The following TENM4 variants were observed in gnomAD, a reference collection of about 807,000 sequenced individuals.
TENM4 encodes teneurin-4.
A neutral mutation model predicts 243.3 loss-of-function variants in TENM4; 82 were observed. The observed-to-expected ratio is 0.34, with a 90% CI of 0.28 to 0.40. The LOEUF (loss-of-function observed/expected upper bound fraction) is 0.40, where lower values mean the gene tolerates loss of function less well. Ranked by LOEUF, TENM4 falls within the 10% of genes least tolerant of loss-of-function variation. TENM4 has a pLI of 1.00. For missense variants in TENM4, 3,138 were observed against 3,673.3 expected (o/e 0.85, Z 3.77); for synonymous variants, 1,412 against 1,456.3 (o/e 0.97, Z 0.69).
chr11:78,880,803 A>G (rs1010258627), intron 9 of TENM4, among the ~76,000 whole-genome samples: 26 of 152,210 alleles, frequency 1.7e-4, no homozygotes, highest in African/African-American at 6.0e-4. Context: ...TCTGATTTTA[A>G]AGCCAGTAAA....
intron 2 of TENM4, among the ~76,000 whole-genome samples, chr11:79,222,094 A>G (rs1590805806): frequency 6.6e-6 from 1 of 152,238 alleles, no homozygotes; most frequent in Non-Finnish European, 1.5e-5. Context: ...TGTGCTGTGA[A>G]AATCTGAACC....
chr11:79,105,848 G>A (rs1347234640), intron 4 of TENM4, among the ~76,000 whole-genome samples: 1 of 152,172 alleles, frequency 6.6e-6, no homozygotes, highest in East Asian at 1.9e-4. Context: ...TATGCCGGGT[G>A]AACTCTACTT....
intron 23 of TENM4, among the ~76,000 whole-genome samples, chr11:78,724,627 T>G (rs1855473741): frequency 6.6e-6 from 1 of 152,174 alleles, no homozygotes; most frequent in African/African-American, 2.4e-5. Flanking sequence ...GGCAGAAACT[T>G]CTCCTTCCTA....
At chr11:78,988,820 A>G (rs1278230383) in intron 6 of TENM4, among the ~76,000 whole-genome samples, 2 of 152,172 alleles carry the variant, frequency 1.3e-5, no homozygotes, top group Admixed American at 6.5e-5. Flanking sequence ...GACTACAGGC[A>G]TGTGCCACCA....
At position 78,702,403 on chromosome 11, in the gene TENM4, C is replaced by A; in HGVS notation, c.4210G>T (p.Val1404Phe). Residue 1404 changes from valine to phenylalanine, a missense_variant and splice_region_variant, in exon 28 of 34, where the codon GTT (valine) becomes TTT (phenylalanine). Around this residue, in one of 2 missense-constraint regions of TENM4, gnomAD observed 2,467 missense variants for 3,059.1 expected, o/e 0.81. Coordinates refer to ENST00000278550, the MANE Select transcript of TENM4 (RefSeq NM_001098816.3). ...AAGTCTGTGGGCCACTCCAGGTGAACCTGACAATGAAGACACCGATACTCA... is the reference window on the plus strand; with the variant it reads ...AAGTCTGTGGGCCACTCCAGGTGAAACTGACAATGAAGACACCGATACTCA... ...SCDSVMDISQ[V>F]HLEWPTDLAI... 6.2e-7 allele frequency: 1 copy of A among 1,608,308 alleles called. No homozygotes were observed. Among genetic ancestry groups the A allele is most frequent in the East Asian group, 2.2e-5 (1 of 44,844 alleles).
rs201432482 is a variant in TENM4, at chr11:79,317,079, A to G, written c.-320-19536T>C. On this transcript the variant is annotated intron_variant, in intron 1 of 33. Coordinates refer to ENST00000278550, the MANE Select transcript of TENM4 (RefSeq NM_001098816.3). ...AATTGGTGTCTAATGGAAGATGACAAAAAGAATGACTTTTAAAATAATTTT... is the reference window on the plus strand; with the variant it reads ...AATTGGTGTCTAATGGAAGATGACAGAAAGAATGACTTTTAAAATAATTTT... Among the ~76,000 whole-genome samples the G allele has an allele frequency of 3.9e-5, 6 of 152,230 alleles. No individual in the cohort carries two copies. In the East Asian group the frequency reaches 1.2e-3, roughly 29 times the overall value.
intron 1 of TENM4, among the ~76,000 whole-genome samples, chr11:79,414,218 C>G (rs1858765843): frequency 6.6e-6 from 1 of 152,132 alleles, no homozygotes; most frequent in East Asian, 1.9e-4. Flanking sequence ...ACTGGAAAAG[C>G]ACTTCCTTCA....
At chr11:78,721,141 T>A (rs754681470) in intron 24 of TENM4, among the ~76,000 whole-genome samples, 3 of 152,154 alleles carry the variant, frequency 2.0e-5, no homozygotes, top group Non-Finnish European at 2.9e-5. Context: ...TCGTCCATGG[T>A]GCTTTCTGTT....
At chr11:79,111,875 A>C (rs976677782) in intron 4 of TENM4, among the ~76,000 whole-genome samples, 6 of 152,168 alleles carry the variant, frequency 3.9e-5, no homozygotes, top group African/African-American at 1.2e-4. Flanking sequence ...ACGTGGGTGA[A>C]TCCTGGCTTG....
chr11:79,411,668 G>C (rs1001989631), intron 1 of TENM4, among the ~76,000 whole-genome samples: 2 of 152,104 alleles, frequency 1.3e-5, no homozygotes, highest in Non-Finnish European at 2.9e-5. Flanking sequence ...ACATCCAACA[G>C]ATTGCAAGCT....
At chr11:79,028,089 T>C (rs1223133293) in intron 6 of TENM4, among the ~76,000 whole-genome samples, 2 of 152,220 alleles carry the variant, frequency 1.3e-5, no homozygotes, top group East Asian at 1.9e-4. Flanking sequence ...TGTGTGACTA[T>C]GTGACCCTTG....
Position 78,653,429 on chromosome 11 carries a change from A to G in TENM4, c.*4629T>C, listed in dbSNP as rs1857817660. 2 of 152,198 alleles carry G rather than the reference A, an allele frequency of 1.3e-5. No homozygotes were observed. The highest frequency in any genetic ancestry group is 4.1e-4 in the South Asian group (2 of 4,830). The allele number at this position is 152,198 out of a possible 1,614,324, so 9.4% of individuals were successfully genotyped here. On this transcript the variant is annotated 3_prime_UTR_variant, in exon 34 of 34. Transcript: ENST00000278550. Reference sequence around the variant, plus strand: ...ATTTACACAGTCAAGATACAGTGTTAGAAACACAAAAGTGTTGAGAAAAAA... The same window carrying G: ...ATTTACACAGTCAAGATACAGTGTTGGAAACACAAAAGTGTTGAGAAAAAA...
In TENM4 at chr11:78,692,920, A is replaced by G. The variant is rs111235521; in HGVS notation, c.5088-4694T>C. Reference sequence around the variant, plus strand: ...TCCCTGACCACCGCTTCTAAGACAGATAAGTCCCCCCAACCTTTGTATCAT... The same window carrying G: ...TCCCTGACCACCGCTTCTAAGACAGGTAAGTCCCCCCAACCTTTGTATCAT... On this transcript the variant is annotated intron_variant, in intron 28 of 33. Transcript: ENST00000278550. 7.6e-3 allele frequency among the ~76,000 whole-genome samples: 1,157 copies of G among 152,302 alleles called. 18 individuals carry two copies. Among genetic ancestry groups the G allele is most frequent in the African/African-American group, 0.027 (1,121 of 41,540 alleles).
intron 12 of TENM4, among the ~76,000 whole-genome samples, chr11:78,836,194 CA>C (rs140459987): frequency 4.6e-5 from 7 of 151,840 alleles, no homozygotes; most frequent in Non-Finnish European, 8.8e-5. Context: ...CCTGTTTCTA[CA>C]AAAAATTAGC....
At chr11:78,776,187 C>A (rs1029013627) in intron 17 of TENM4, among the ~76,000 whole-genome samples, 2 of 152,190 alleles carry the variant, frequency 1.3e-5, no homozygotes, top group African/African-American at 4.8e-5. Context: ...TAGGGCCAGA[C>A]TGAACTTCCA....
intron 27 of TENM4, among the ~76,000 whole-genome samples, chr11:78,705,214 A>G (rs1305268985): frequency 1.3e-5 from 2 of 151,990 alleles, no homozygotes; most frequent in African/African-American, 4.8e-5. Context: ...GCTTGTGGAG[A>G]CCTTTCTGCC....
intron 2 of TENM4, among the ~76,000 whole-genome samples, chr11:79,268,458 T>TA (rs1230259574): frequency 7.9e-5 from 12 of 152,300 alleles, no homozygotes; most frequent in African/African-American, 2.6e-4. Flanking sequence ...TACTTTCCTA[T>TA]ATCAAAACAT....
intron 4 of TENM4, among the ~76,000 whole-genome samples, chr11:79,143,615 A>G (rs575172134): frequency 6.6e-6 from 1 of 152,092 alleles, no homozygotes; most frequent in African/African-American, 2.4e-5. Flanking sequence ...AACATGGCAC[A>G]TGTATACATA....
chr11:79,146,567 A>G (rs1862398494), intron 4 of TENM4, among the ~76,000 whole-genome samples: 1 of 152,142 alleles, frequency 6.6e-6, no homozygotes, highest in South Asian at 2.1e-4. Flanking sequence ...CTTCAGGGGC[A>G]TGGTCTTATG....
Sources: gnomAD v4.1 joint callset for allele counts (sites outside exome capture counted in the v4.1 genomes callset) on GRCh38, gnomAD v4.1.1 for gene constraint, gnomAD v4.1.1 regional missense constraint, MANE v1.5 for transcripts, NCBI Gene and HGNC (gene_info 2026-07-23, HGNC 2026-07-21) for gene names.